Variants in ZNF678 observed in about 807,000 individuals in gnomAD.
ZNF678 encodes hypothetical protein MGC42493.
In ZNF678, 5 loss-of-function variants were observed where a neutral mutation model predicts 3.0. The observed-to-expected ratio is 1.69, with a 90% CI of 0.88 to 3.56. ZNF678 has a LOEUF of 3.56. ZNF678 is among the 30% of genes most tolerant of loss of function. ZNF678 has a pLI of 0.00. For synonymous variants in ZNF678, 218 were observed against 199.6 expected (o/e 1.09, Z -0.78); for missense variants, 593 against 605.0 (o/e 0.98, Z 0.21).
intron 1 of ZNF678, among the ~76,000 whole-genome samples, chr1:227,569,120 A>T (rs1393513123): frequency 6.6e-6 from 1 of 152,112 alleles, no homozygotes; most frequent in African/African-American, 2.4e-5. Context: ...CTCTGGAATA[A>T]CTAGGACTAC....
At chr1:227,671,047 G>A (rs1659592455) in intron 5 of ZNF678, among the ~76,000 whole-genome samples, 1 of 147,492 alleles carries the variant, frequency 6.8e-6, no homozygotes, top group African/African-American at 2.5e-5. Flanking sequence ...CCATTTGTTA[G>A]GAAAATTATG....
intron 2 of ZNF678, among the ~76,000 whole-genome samples, chr1:227,650,294 C>G (rs1203723643): frequency 6.6e-6 from 1 of 152,080 alleles, no homozygotes; most frequent in African/African-American, 2.4e-5. Context: ...TCTTGACGCC[C>G]TTGTTAAAGA....
chr1:227,579,780 T>C (rs1215248688), intron 1 of ZNF678, among the ~76,000 whole-genome samples: 2 of 152,116 alleles, frequency 1.3e-5, no homozygotes, highest in East Asian at 3.9e-4. Context: ...GATGCTCAGG[T>C]CAGACCAGCG....
At position 227,656,596 on chromosome 1, in the gene ZNF678, C is replaced by T. The variant is rs141715640; in HGVS notation, c.*768C>T. ...CTTTTTCATGAATGATTAAGGGCAC[C>T]GAAATGTAACATTTATAAGGAAAAT... On this transcript the variant is annotated 3_prime_UTR_variant, in exon 4 of 4. Transcript: ENST00000343776. The T allele has an allele frequency of 7.5e-4, 113 of 151,572 alleles. 3 individuals carry two copies. In the East Asian group the frequency reaches 0.014, roughly 19 times the overall value. The allele number at this position is 151,572 out of a possible 1,614,324, so 9.4% of individuals were successfully genotyped here.
Position 227,638,262 on chromosome 1 carries a change from G to A in ZNF678, c.-163-8282G>A, listed in dbSNP as rs1658731275. Among the ~76,000 whole-genome samples the A allele has an allele frequency of 1.3e-5, 2 of 152,180 alleles. No individual in the cohort carries two copies. The highest frequency in any genetic ancestry group is 1.3e-4 in the Admixed American group (2 of 15,276). ...TTATGTTTAGAATAGAAAAATGGGT[G>A]GTATTGGAGGGAATTGCGGAAAGTG... On this transcript the variant is annotated intron_variant, in intron 1 of 3. Coordinates refer to ENST00000343776, the MANE Select transcript of ZNF678 (RefSeq NM_001367909.1). This position sits in a 1 kb window ranked among gnomAD's most constrained non-coding sequence, Gnocchi z 4.2.
chr1:227,599,984 G>C (rs1657694510), intron 1 of ZNF678, among the ~76,000 whole-genome samples: 1 of 152,082 alleles, frequency 6.6e-6, no homozygotes, highest in East Asian at 1.9e-4. Context: ...CTACCCTCCA[G>C]TAGGCACCCC....
chr1:227,582,656 A>G (rs1003582784), intron 1 of ZNF678: 3 of 176,972 alleles, frequency 1.7e-5, no homozygotes, highest in Non-Finnish European at 3.7e-5. Context: ...AAGTTTTGCC[A>G]ATTATAATAC....
At chr1:227,668,224 G>T (rs1302558712) in intron 5 of ZNF678, among the ~76,000 whole-genome samples, 1 of 152,120 alleles carries the variant, frequency 6.6e-6, no homozygotes, top group African/African-American at 2.4e-5. Context: ...ATATCCATAG[G>T]TTTCATAATA....
chr1:227,604,062 G>C (rs191691728), intron 1 of ZNF678, among the ~76,000 whole-genome samples: 2 of 152,154 alleles, frequency 1.3e-5, no homozygotes. Flanking sequence ...GTACTTAACT[G>C]TTTTTCCTTA....
At chr1:227,591,272 G>A (rs774900246) in intron 1 of ZNF678, among the ~76,000 whole-genome samples, 5 of 147,536 alleles carry the variant, frequency 3.4e-5, no homozygotes, top group East Asian at 1.9e-4. Flanking sequence ...TTTTTCTAAC[G>A]AGGATTAAGG....
chr1:227,598,540 T>G, intron 1 of ZNF678: 1 of 1,121,476 alleles, frequency 8.9e-7, no homozygotes. Context: ...TCACTGCTTT[T>G]CTTCTTTTTT....
chr1:227,641,648 C>T (rs745838562), intron 1 of ZNF678, among the ~76,000 whole-genome samples: 32 of 151,726 alleles, frequency 2.1e-4, no homozygotes, highest in Non-Finnish European at 4.0e-4. Flanking sequence ...TTTTTTGGGG[C>T]GTCCAGTCAC....
At chr1:227,573,337 A>G (rs559951965) in intron 1 of ZNF678, among the ~76,000 whole-genome samples, 1 of 152,380 alleles carries the variant, frequency 6.6e-6, no homozygotes, top group African/African-American at 2.4e-5. Context: ...AAATAATGAA[A>G]GTAGCACTAT....
intron 2 of ZNF678, among the ~76,000 whole-genome samples, chr1:227,650,654 T>G (rs1159717629): frequency 6.6e-6 from 1 of 152,182 alleles, no homozygotes; most frequent in Admixed American, 6.5e-5. Context: ...TCTTGTTTCT[T>G]TTATCAATAT....
At chr1:227,631,678 C>T (rs1658549994) in intron 1 of ZNF678, among the ~76,000 whole-genome samples, 1 of 152,138 alleles carries the variant, frequency 6.6e-6, no homozygotes, top group South Asian at 2.1e-4. Flanking sequence ...CAGATGGATC[C>T]TACTTATCCT....
At chr1:227,646,066 ATTC>A (rs1025527273) in intron 1 of ZNF678, among the ~76,000 whole-genome samples, 2 of 152,244 alleles carry the variant, frequency 1.3e-5, no homozygotes, top group South Asian at 2.1e-4. Flanking sequence ...TTGGCAGAAT[ATTC>A]TTCTTGGTTC....
chr1:227,642,550 G>A (rs959838697), intron 1 of ZNF678, among the ~76,000 whole-genome samples: 2 of 152,122 alleles, frequency 1.3e-5, no homozygotes, highest in African/African-American at 4.8e-5. Context: ...GGGACAGGTA[G>A]TATCCCACAT....
intron 1 of ZNF678, among the ~76,000 whole-genome samples, chr1:227,625,560 A>G (rs546433297): frequency 6.6e-6 from 1 of 152,226 alleles, no homozygotes; most frequent in Non-Finnish European, 1.5e-5. Flanking sequence ...GAGGTTAAAG[A>G]TACAGGGATT....
chr1:227,637,407 AG>A lies in ZNF678; in HGVS notation c.-163-9136del, dbSNP rs1223861492. On this transcript the variant is annotated intron_variant, in intron 1 of 3. Transcript: ENST00000343776. ...AATAAACTGTTAGGTTGGCATGGAG[AG>A]ATAGTTTTAGGCTTTCAAGGGTGAG... Among the ~76,000 whole-genome samples the A allele has an allele frequency of 4.6e-3, 696 of 152,052 alleles. 6 individuals are homozygous for A. Among genetic ancestry groups the A allele is most frequent in the Non-Finnish European group, 6.5e-3 (443 of 67,964 alleles).
Sources: gnomAD v4.1 joint callset for allele counts (sites outside exome capture counted in the v4.1 genomes callset) on GRCh38, gnomAD v4.1.1 for gene constraint, Gnocchi (gnomAD v3.1) non-coding constraint, MANE v1.5 for transcripts, NCBI Gene and HGNC (gene_info 2026-07-23, HGNC 2026-07-21) for gene names.